NXPH1: variants seen among roughly 807,000 people sequenced by gnomAD.
NXPH1 encodes the protein neurexophilin-1.
NXPH1 carries 5 observed loss-of-function variants against 23.7 expected under a neutral mutation model. The ratio of observed to expected loss-of-function variants is 0.21; its 90% confidence interval spans 0.11 to 0.44. The LOEUF is 0.44. Ranked by LOEUF, NXPH1 falls within the 20% of genes least tolerant of loss-of-function variation. The pLI, the probability that NXPH1 is intolerant of heterozygous loss-of-function variation, is 0.99. For missense variants in NXPH1, 324 were observed against 321.6 expected, an observed-to-expected ratio of 1.01 and a Z score of -0.06; for synonymous variants, 144 against 122.2, an observed-to-expected ratio of 1.18 and a Z score of -1.18.
chr7:8,715,192 C>T (rs973003330), intron 2 of NXPH1, among the ~76,000 whole-genome samples: 3 of 152,134 alleles, frequency 2.0e-5, no homozygotes, highest in African/African-American at 7.2e-5. Flanking sequence ...TGGCCAAGTT[C>T]TGTCTAGCTT....
intron 2 of NXPH1, among the ~76,000 whole-genome samples, chr7:8,476,351 T>C (rs1363002516): frequency 6.6e-6 from 1 of 152,098 alleles, no homozygotes; most frequent in Non-Finnish European, 1.5e-5. Flanking sequence ...TCTAATCTTT[T>C]TCTGTTCTTT....
chr7:8,709,436 CTT>C (rs1200370819), intron 2 of NXPH1, among the ~76,000 whole-genome samples: 1 of 152,112 alleles, frequency 6.6e-6, no homozygotes, highest in Non-Finnish European at 1.5e-5. Flanking sequence ...TGTTATATAA[CTT>C]GAGCATTGCA....
chr7:8,522,579 G>A (rs1280658281), intron 2 of NXPH1, among the ~76,000 whole-genome samples: 1 of 152,132 alleles, frequency 6.6e-6, no homozygotes, highest in East Asian at 1.9e-4. Flanking sequence ...CACAGGAGAT[G>A]CCAGTGAGGG....
chr7:8,619,368 G>A (rs763600910), intron 2 of NXPH1, among the ~76,000 whole-genome samples: 4 of 152,168 alleles, frequency 2.6e-5, no homozygotes, highest in Non-Finnish European at 5.9e-5. Flanking sequence ...CATCTGGGAT[G>A]AAGCTTATAA....
chr7:8,662,690 G>A (rs1413515405), intron 2 of NXPH1, among the ~76,000 whole-genome samples: 1 of 151,942 alleles, frequency 6.6e-6, no homozygotes, highest in Non-Finnish European at 1.5e-5. Context: ...AAGTAAATAA[G>A]TATCAGTCAG....
chr7:8,533,903 A>G (rs776677025), intron 2 of NXPH1, among the ~76,000 whole-genome samples: 1 of 152,130 alleles, frequency 6.6e-6, no homozygotes, highest in South Asian at 2.1e-4. Context: ...GAGCTCTGTT[A>G]GAAGTATGCC....
chr7:8,677,026 G>A (rs1820963470), intron 2 of NXPH1, among the ~76,000 whole-genome samples: 1 of 152,182 alleles, frequency 6.6e-6, no homozygotes, highest in Non-Finnish European at 1.5e-5. Flanking sequence ...TTTAGTCTCT[G>A]AGTCTCTGAA....
chr7:8,674,203 A>ACACC (rs749254159), intron 2 of NXPH1, among the ~76,000 whole-genome samples: 5,523 of 115,310 alleles, frequency 0.048, 192 homozygotes, highest in Non-Finnish European at 0.071. Context: ...ACACACACAC[A>ACACC]CCTATGCAAT....
At chr7:8,680,650 C>T (rs1821034967) in intron 2 of NXPH1, among the ~76,000 whole-genome samples, 1 of 152,190 alleles carries the variant, frequency 6.6e-6, no homozygotes, top group African/African-American at 2.4e-5. Context: ...TGCCAAGACA[C>T]TTGTGCTTAG....
chr7:8,714,576 C>G (rs1471586472), intron 2 of NXPH1, among the ~76,000 whole-genome samples: 3 of 151,912 alleles, frequency 2.0e-5, no homozygotes, highest in Non-Finnish European at 1.5e-5. Flanking sequence ...ATATCTGTGT[C>G]TCGCCCAATG....
chr7:8,610,248 A>G (rs771802596), intron 2 of NXPH1, among the ~76,000 whole-genome samples: 2 of 152,124 alleles, frequency 1.3e-5, no homozygotes, highest in Non-Finnish European at 2.9e-5. Context: ...GAATTAATGC[A>G]TAGGTTGATA....
intron 2 of NXPH1, among the ~76,000 whole-genome samples, chr7:8,683,251 G>T (rs76279100): frequency 6.6e-6 from 1 of 152,314 alleles, no homozygotes; most frequent in Non-Finnish European, 1.5e-5. Flanking sequence ...ACTCACTATT[G>T]TGGGGAGGGC....
chr7:8,573,407 C>A lies in NXPH1; in HGVS notation c.54+137640C>A, dbSNP rs539916112. Among the ~76,000 whole-genome samples, 140 of 152,070 alleles carry A rather than the reference C, an allele frequency of 9.2e-4. 1 individual carries two copies. Among genetic ancestry groups the A allele is most frequent in the African/African-American group, 3.2e-3 (133 of 41,478 alleles). On this transcript the variant is annotated intron_variant, in intron 2 of 2. Coordinates refer to ENST00000405863, the MANE Select transcript of NXPH1 (RefSeq NM_152745.3). ...TGAATGGTCTTGACATACATACTAC[C>A]GAACTACTTTATAAATAGATTATCC...
At chr7:8,685,368 G>A (rs189707042) in intron 2 of NXPH1, among the ~76,000 whole-genome samples, 2 of 150,430 alleles carry the variant, frequency 1.3e-5, no homozygotes, top group Non-Finnish European at 1.5e-5. Flanking sequence ...TTATCTTTCT[G>A]TGCCTGGCTT....
At chr7:8,589,315 T>C (rs1217469985) in intron 2 of NXPH1, among the ~76,000 whole-genome samples, 3 of 152,080 alleles carry the variant, frequency 2.0e-5, no homozygotes, top group Non-Finnish European at 4.4e-5. Context: ...TCATATTAAG[T>C]CACAAGGTAT....
intron 2 of NXPH1, among the ~76,000 whole-genome samples, chr7:8,662,065 A>G (rs1820684449): frequency 6.6e-6 from 1 of 151,946 alleles, no homozygotes; most frequent in South Asian, 2.1e-4. Context: ...ATAGATTCCA[A>G]CCAAAAAGTT....
chr7:8,649,099 T>C (rs10952114), intron 2 of NXPH1, among the ~76,000 whole-genome samples: 107,707 of 151,674 alleles, frequency 0.71, 38,953 homozygotes, highest in East Asian at 1. Context: ...ATATATTATA[T>C]TACTTTTCTT....
At chr7:8,604,833 T>G (rs957876764) in intron 2 of NXPH1, among the ~76,000 whole-genome samples, 5 of 152,168 alleles carry the variant, frequency 3.3e-5, no homozygotes, top group African/African-American at 1.2e-4. Context: ...ATGCTGACTT[T>G]CTGATTAATT....
intron 2 of NXPH1, among the ~76,000 whole-genome samples, chr7:8,707,241 T>C (rs182105869): frequency 6.6e-6 from 1 of 152,314 alleles, no homozygotes; most frequent in African/African-American, 2.4e-5. Context: ...ACATTATGCT[T>C]TTTAAGCTTC....
Sources: gnomAD v4.1 joint callset for allele counts (sites outside exome capture counted in the v4.1 genomes callset) on GRCh38, gnomAD v4.1.1 for gene constraint, MANE v1.5 for transcripts, NCBI Gene and HGNC (gene_info 2026-07-23, HGNC 2026-07-21) for gene names.